The following LRP6 variants were observed in gnomAD, a reference collection of about 807,000 sequenced individuals.
LRP6 encodes the protein low-density lipoprotein receptor-related protein 6.
LRP6 carries 43 observed loss-of-function variants against 184.1 expected under a neutral mutation model. The observed-to-expected ratio is 0.23, with a 90% CI of 0.18 to 0.30. LRP6 has a LOEUF of 0.30. Among genes scored for constraint, LRP6 ranks in the 10% least tolerant of loss-of-function variants. The probability of loss-of-function intolerance (pLI) is 1.00; values close to 1 mark genes in which losing one functional copy is unlikely to be tolerated. For synonymous variants in LRP6, 719 were observed against 684.9 expected (o/e 1.05, Z -0.78); for missense variants, 1,571 against 2,005.3 (o/e 0.78, Z 4.14).
At chr12:12,257,502 A>G (rs2135940023) in intron 1 of LRP6, among the ~76,000 whole-genome samples, 1 of 150,254 alleles carries the variant, frequency 6.7e-6, no homozygotes, top group African/African-American at 2.5e-5. Flanking sequence ...AATGGCATGA[A>G]TCTGGGAGGC....
At chr12:12,236,937 A>G (rs1429497499) in intron 2 of LRP6, among the ~76,000 whole-genome samples, 1 of 151,820 alleles carries the variant, frequency 6.6e-6, no homozygotes, top group Non-Finnish European at 1.5e-5. Flanking sequence ...GGCTTTTTAT[A>G]TAGGTATGAC....
chr12:12,135,683 G>A (rs760972623), intron 16 of LRP6, among the ~76,000 whole-genome samples: 5 of 151,354 alleles, frequency 3.3e-5, no homozygotes, highest in Non-Finnish European at 5.9e-5. Context: ...TAGTAAAGAT[G>A]GAATTTTACC....
At chr12:12,178,394 G>A (rs565042247) in intron 7 of LRP6, among the ~76,000 whole-genome samples, 2 of 152,180 alleles carry the variant, frequency 1.3e-5, no homozygotes, top group South Asian at 2.1e-4. Context: ...AACCAAATAC[G>A]GAATTTTAAA....
rs373391701 is a variant in LRP6, at chr12:12,150,842, G to A, written c.2988C>T (p.Gly996=). The part of the protein sequence containing the change: ...QNMIRKAQED[G]SQGFTVVVSS... ...GAACCAAGCTCTCAATTACCTGGCT[G>A]CCATCTTCTTGTGCCTTTCGGATCA... Residue 996 remains glycine, a synonymous_variant, in exon 13 of 23, where the codon GGC becomes GGT. Coordinates refer to ENST00000261349, the MANE Select transcript of LRP6 (RefSeq NM_002336.3). 16 of 1,613,458 alleles carry A rather than the reference G, an allele frequency of 9.9e-6. No individual in the cohort carries two copies. In the African/African-American group the frequency reaches 2.1e-4, roughly 22 times the overall value.
chr12:12,157,809 A>G (rs999787082), intron 12 of LRP6, among the ~76,000 whole-genome samples: 1 of 152,152 alleles, frequency 6.6e-6, no homozygotes, highest in Admixed American at 6.5e-5. Context: ...CTTATTTCTT[A>G]ATCGTATCTA....
intron 1 of LRP6, among the ~76,000 whole-genome samples, chr12:12,259,622 G>A (rs1041787178): frequency 6.6e-6 from 1 of 152,088 alleles, no homozygotes; most frequent in African/African-American, 2.4e-5. Context: ...CCGCAAACAC[G>A]AACAGCTTGA....
chr12:12,126,765 T>A lies in LRP6; in HGVS notation c.4238A>T (p.Tyr1413Phe). The change falls in exon 20 of 23, where the codon TAT becomes TTT. Residue 1413 changes from tyrosine to phenylalanine, a missense_variant. Coordinates refer to ENST00000261349, the MANE Select transcript of LRP6 (RefSeq NM_002336.3). Reference sequence around the variant, plus strand: ...CACAGAAGCTGGTCCATGAACTACATAGTCATTAGTCATAGTTTCCCCATC... The same window carrying A: ...CACAGAAGCTGGTCCATGAACTACAAAGTCATTAGTCATAGTTTCCCCATC... ...KGDGETMTND[Y>F]VVHGPASVPL... 1.2e-6 allele frequency: 2 copies of A among 1,614,080 alleles called. No individual in the cohort carries two copies. The highest frequency in any genetic ancestry group is 1.7e-6 in the Non-Finnish European group (2 of 1,179,976).
At chr12:12,122,973 A>T (rs1294067610) in intron 22 of LRP6, among the ~76,000 whole-genome samples, 2 of 152,196 alleles carry the variant, frequency 1.3e-5, no homozygotes, top group African/African-American at 4.8e-5. Context: ...TCTTTGTCCA[A>T]TCAGGTGTCA....
chr12:12,231,349 A>G (rs565259285), intron 2 of LRP6, among the ~76,000 whole-genome samples: 1 of 152,246 alleles, frequency 6.6e-6, no homozygotes, highest in East Asian at 1.9e-4. Flanking sequence ...TGCACAAAGC[A>G]TGGACTCTCA....
At chr12:12,166,406 C>A (rs1862879400) in intron 7 of LRP6, among the ~76,000 whole-genome samples, 1 of 152,158 alleles carries the variant, frequency 6.6e-6, no homozygotes, top group South Asian at 2.1e-4. Flanking sequence ...AGAGTTCAAT[C>A]ATTCTATTAG....
intron 1 of LRP6, among the ~76,000 whole-genome samples, chr12:12,260,576 C>T (rs1486356511): frequency 6.6e-6 from 1 of 152,040 alleles, no homozygotes; most frequent in African/African-American, 2.4e-5. Context: ...AATGTTTTAC[C>T]AGTCTTTCCA....
chr12:12,139,885 A>C (rs1949905652), intron 15 of LRP6, among the ~76,000 whole-genome samples: 2 of 152,226 alleles, frequency 1.3e-5, no homozygotes, highest in South Asian at 4.1e-4. Flanking sequence ...AGAAAGCTAA[A>C]GGCCTACAGC....
chr12:12,121,899 A>G (rs773733722), intron 22 of LRP6, among the ~76,000 whole-genome samples: 9 of 152,020 alleles, frequency 5.9e-5, no homozygotes, highest in Non-Finnish European at 1.2e-4. Context: ...CTTCTGTACA[A>G]TTCTGTACAA....
chr12:12,222,578 AGAAAG>A (rs745403077), intron 2 of LRP6, among the ~76,000 whole-genome samples: 107 of 141,460 alleles, frequency 7.6e-4, no homozygotes, highest in Middle Eastern at 3.8e-3. Flanking sequence ...AAAAAAAAAA[AGAAAG>A]AAAGAAAGAA....
intron 3 of LRP6, among the ~76,000 whole-genome samples, chr12:12,200,936 A>G (rs1201219772): frequency 6.6e-6 from 1 of 152,166 alleles, no homozygotes; most frequent in Non-Finnish European, 1.5e-5. Context: ...TTTATTTATA[A>G]GAGCTTTTGT....
At chr12:12,182,764 A>G (rs939651477) in intron 5 of LRP6, among the ~76,000 whole-genome samples, 5 of 152,236 alleles carry the variant, frequency 3.3e-5, no homozygotes, top group African/African-American at 1.2e-4. Flanking sequence ...GCTAACAACC[A>G]AAAGGAGCCA....
chr12:12,205,325 C>CAAAAAAAAAAAAAAA (rs1334062234), intron 2 of LRP6, among the ~76,000 whole-genome samples: 12 of 26,226 alleles, frequency 4.6e-4, no homozygotes, highest in African/African-American at 1.1e-3. Flanking sequence ...CTGTCTCAAA[C>CAAAAAAAAAAAAAAA]AAACAAAAAA....
intron 2 of LRP6, among the ~76,000 whole-genome samples, chr12:12,207,737 A>C (rs139827321): frequency 2.0e-4 from 30 of 152,234 alleles, no homozygotes; most frequent in African/African-American, 7.2e-4. Context: ...GCTACACCAG[A>C]AAGAACACTT....
At chr12:12,215,626 C>T (rs1455040841) in intron 2 of LRP6, among the ~76,000 whole-genome samples, 1 of 151,614 alleles carries the variant, frequency 6.6e-6, no homozygotes, top group African/African-American at 2.4e-5. Flanking sequence ...GCTGGGATTA[C>T]AGGCGTGAGC....
Sources: gnomAD v4.1 joint callset for allele counts (sites outside exome capture counted in the v4.1 genomes callset) on GRCh38, gnomAD v4.1.1 for gene constraint, MANE v1.5 for transcripts, NCBI Gene and HGNC (gene_info 2026-07-23, HGNC 2026-07-21) for gene names.